GRM8: variants seen among roughly 807,000 people sequenced by gnomAD.
The protein encoded by GRM8 is metabotropic glutamate receptor 8.
Under a neutral mutation model 87.2 loss-of-function variants are expected in GRM8, and 47 were observed. That is an observed-to-expected ratio of 0.54 (90% CI 0.43 to 0.69). GRM8 has a LOEUF of 0.69. Among genes scored for constraint, GRM8 ranks in the 30% least tolerant of loss-of-function variants. GRM8 has a pLI of 0.00. For synonymous variants in GRM8, 396 were observed against 404.5 expected, an observed-to-expected ratio of 0.98 and a Z score of 0.25; for missense variants, 1,019 against 1,139.2, an observed-to-expected ratio of 0.89 and a Z score of 1.52.
chr7:126,621,040 C>T (rs551547168), intron 7 of GRM8, among the ~76,000 whole-genome samples: 1 of 152,216 alleles, frequency 6.6e-6, no homozygotes, highest in East Asian at 1.9e-4. Context: ...TAATTTTTAG[C>T]ACCCTTAAAT....
intron 6 of GRM8, among the ~76,000 whole-genome samples, chr7:126,827,201 TC>T (rs1794896295): frequency 6.6e-6 from 1 of 152,200 alleles, no homozygotes; most frequent in Non-Finnish European, 1.5e-5. Flanking sequence ...TGATGTGGGC[TC>T]TTTTTTGGTT....
At chr7:127,043,926 G>C (rs1391001687) in intron 3 of GRM8, among the ~76,000 whole-genome samples, 1 of 152,188 alleles carries the variant, frequency 6.6e-6, no homozygotes, top group East Asian at 1.9e-4. Flanking sequence ...GTCCTAAAGG[G>C]GGAGCTGGAG....
chr7:126,641,455 G>GA (rs544137849), intron 7 of GRM8, among the ~76,000 whole-genome samples: 3 of 152,060 alleles, frequency 2.0e-5, no homozygotes, highest in African/African-American at 4.8e-5. Context: ...TCAAAATAAA[G>GA]AAAAAAATAG....
At chr7:126,488,447 A>C (rs1584790808) in intron 9 of GRM8, among the ~76,000 whole-genome samples, 1 of 152,176 alleles carries the variant, frequency 6.6e-6, no homozygotes, top group East Asian at 1.9e-4. Flanking sequence ...TTATGCTAAA[A>C]GCCTCAAGTC....
chr7:127,014,450 G>A (rs1423363375), intron 3 of GRM8, among the ~76,000 whole-genome samples: 3 of 152,040 alleles, frequency 2.0e-5, no homozygotes, highest in Admixed American at 1.3e-4. Context: ...TTAGCAGCAC[G>A]GCCTTTGGGA....
chr7:126,595,704 T>A (rs558069323), intron 8 of GRM8, among the ~76,000 whole-genome samples: 1 of 152,234 alleles, frequency 6.6e-6, no homozygotes, highest in East Asian at 1.9e-4. Flanking sequence ...TATATGGCCA[T>A]GTAGTATTCC....
At chr7:126,518,247 A>G (rs192753731) in intron 9 of GRM8, among the ~76,000 whole-genome samples, 17 of 152,174 alleles carry the variant, frequency 1.1e-4, no homozygotes, top group Admixed American at 4.6e-4. Flanking sequence ...TTACACAATA[A>G]CTTTTCTGGG....
At chr7:126,451,937 A>G in intron 9 of GRM8, among the ~76,000 whole-genome samples, 1 of 151,618 alleles carries the variant, frequency 6.6e-6, no homozygotes, top group East Asian at 2.0e-4. Context: ...AAGTCTATAT[A>G]TTTTACTCAT....
At chr7:127,049,331 T>C (rs1819237222) in intron 3 of GRM8, among the ~76,000 whole-genome samples, 1 of 152,184 alleles carries the variant, frequency 6.6e-6, no homozygotes, top group Non-Finnish European at 1.5e-5. Context: ...ACAAACTGGG[T>C]GGCTTTATGT....
chr7:126,460,728 G>T (rs566303919), intron 9 of GRM8, among the ~76,000 whole-genome samples: 44 of 151,678 alleles, frequency 2.9e-4, no homozygotes, highest in Admixed American at 4.6e-4. Flanking sequence ...AAATACAAGA[G>T]AGTGAAGGAG....
At chr7:126,891,165 A>G (rs576107014) in intron 6 of GRM8, among the ~76,000 whole-genome samples, 2 of 152,078 alleles carry the variant, frequency 1.3e-5, no homozygotes, top group African/African-American at 4.8e-5. Flanking sequence ...GGCATCATCC[A>G]TGATTTGTCC....
chr7:126,442,207 C>G lies in GRM8; in HGVS notation c.2678-3039G>C, dbSNP rs6944943. Among the ~76,000 whole-genome samples, 440 of 152,090 alleles carry G rather than the reference C, an allele frequency of 2.9e-3. 3 individuals are homozygous for G. Among genetic ancestry groups the G allele is most frequent in the African/African-American group, 0.01 (419 of 41,544 alleles). On this transcript the variant is annotated intron_variant, in intron 10 of 10. Coordinates refer to ENST00000339582, the MANE Select transcript of GRM8 (RefSeq NM_000845.3). The stretch of plus-strand genomic sequence containing the variant: ...CTTTCTTCCTTCCTTATTTTCTTTT[C>G]TTTCCATGAACCATACATGAGACCT...
intron 10 of GRM8, among the ~76,000 whole-genome samples, chr7:126,441,541 G>C (rs565669732): frequency 6.6e-6 from 1 of 152,006 alleles, no homozygotes; most frequent in Admixed American, 6.6e-5. Context: ...ATGAATAATC[G>C]TAAGATAAAA....
At chr7:126,570,051 G>GT (rs1362308689) in intron 8 of GRM8, among the ~76,000 whole-genome samples, 1 of 152,148 alleles carries the variant, frequency 6.6e-6, no homozygotes, top group African/African-American at 2.4e-5. Context: ...GATTTTCACT[G>GT]TAACTCTTCC....
chr7:126,835,701 C>T (rs1184291035), intron 6 of GRM8, among the ~76,000 whole-genome samples: 1 of 152,140 alleles, frequency 6.6e-6, no homozygotes, highest in Non-Finnish European at 1.5e-5. Context: ...CCTCAGAATG[C>T]CATTTGGCAC....
chr7:127,149,568 C>A (rs953858897), intron 2 of GRM8, among the ~76,000 whole-genome samples: 12 of 152,022 alleles, frequency 7.9e-5, no homozygotes, highest in African/African-American at 2.9e-4. Context: ...TGGGCATATA[C>A]CCAAGGGAAA....
chr7:126,816,791 C>T (rs1267030221), intron 6 of GRM8, among the ~76,000 whole-genome samples: 1 of 149,246 alleles, frequency 6.7e-6, no homozygotes, highest in Non-Finnish European at 1.5e-5. Context: ...TAATTTCAAG[C>T]ATATACAGAG....
At chr7:126,653,300 C>CA (rs35546815) in intron 7 of GRM8, among the ~76,000 whole-genome samples, 41,018 of 108,790 alleles carry the variant, frequency 0.38, 7,623 homozygotes, top group African/African-American at 0.4. Context: ...ATCCTGTCTC[C>CA]AAAAAAAAAA....
chr7:126,650,384 C>A (rs1803677970), intron 7 of GRM8, among the ~76,000 whole-genome samples: 1 of 152,102 alleles, frequency 6.6e-6, no homozygotes, highest in Admixed American at 6.5e-5. Flanking sequence ...GATGGTTCTG[C>A]ACAATATGCA....
Sources: gnomAD v4.1 joint callset for allele counts (sites outside exome capture counted in the v4.1 genomes callset) on GRCh38, gnomAD v4.1.1 for gene constraint, MANE v1.5 for transcripts, NCBI Gene and HGNC (gene_info 2026-07-23, HGNC 2026-07-21) for gene names.